Variants in PTPRK observed in about 807,000 individuals in gnomAD.
The protein encoded by PTPRK is receptor-type tyrosine-protein phosphatase kappa.
Under a neutral mutation model 178.0 loss-of-function variants are expected in PTPRK, and 75 were observed. That is an observed-to-expected ratio of 0.42 (90% confidence interval 0.35 to 0.51). The LOEUF is 0.51. Ranked by LOEUF, PTPRK falls within the 20% of genes least tolerant of loss-of-function variation. The pLI, the probability that PTPRK is intolerant of heterozygous loss-of-function variation, is 0.02. For missense variants in PTPRK, 1,441 were observed against 1,797.8 expected (o/e 0.80, Z 3.59); for synonymous variants, 637 against 620.6 (o/e 1.03, Z -0.39).
chr6:128,223,467 T>C (rs574503313), intron 5 of PTPRK, among the ~76,000 whole-genome samples: 14 of 152,098 alleles, frequency 9.2e-5, no homozygotes, highest in African/African-American at 2.7e-4. Context: ...AGGCAAGATA[T>C]CACCAAGCTG....
rs78735929 is a variant in PTPRK at position 128,480,201 on chromosome 6, G to A, written c.100+40058C>T. On this transcript the variant is annotated intron_variant, in intron 1 of 29. Coordinates refer to ENST00000368226, the MANE Select transcript of PTPRK (RefSeq NM_002844.4). The stretch of plus-strand genomic sequence containing the variant: ...CAGCCTGACTGTGGCTGAAACCCAG[G>A]AGCCATCACCAGGCTTGACCTCTCT... Among the ~76,000 whole-genome samples, 376 of 152,146 alleles carry A rather than the reference G, an allele frequency of 2.5e-3. 1 individual carries two copies. Among genetic ancestry groups the A allele is most frequent in the African/African-American group, 8.8e-3 (366 of 41,500 alleles).
rs1204085747 is a variant in PTPRK at position 128,421,195 on chromosome 6, G to C, written c.101-23507C>G. On this transcript the variant is annotated intron_variant, in intron 1 of 29. Transcript: ENST00000368226. ...CATCAACTGGTAAAGAAATGTATTA[G>C]AATATTTTATCTTAAAATTATAAAG... 2.0e-5 allele frequency among the ~76,000 whole-genome samples: 3 copies of C among 152,122 alleles called. No homozygotes were observed. In the East Asian group the frequency reaches 5.8e-4, roughly 29 times the overall value.
intron 5 of PTPRK, among the ~76,000 whole-genome samples, chr6:128,228,608 G>A (rs1382231259): frequency 7.3e-5 from 11 of 149,868 alleles, no homozygotes; most frequent in South Asian, 2.1e-4. Context: ...TGCAGTGAGC[G>A]GAGATCGCGC....
At chr6:128,074,904 A>G (rs550881971) in intron 11 of PTPRK, among the ~76,000 whole-genome samples, 13 of 152,066 alleles carry the variant, frequency 8.5e-5, no homozygotes, top group Non-Finnish European at 1.8e-4. Flanking sequence ...TAAGGTAGGC[A>G]AAATATATAA....
intron 2 of PTPRK, among the ~76,000 whole-genome samples, chr6:128,323,844 CTCTT>C (rs977009878): frequency 4.0e-5 from 6 of 148,886 alleles, no homozygotes; most frequent in African/African-American, 9.9e-5. Context: ...TTTTTTTTCT[CTCTT>C]TCTTTCTTTC....
Position 127,992,967 on chromosome 6 carries a change from A to G in PTPRK, c.2845-258T>C, listed in dbSNP as rs532911198. 2.0e-5 allele frequency among the ~76,000 whole-genome samples: 3 copies of G among 151,910 alleles called. No individual in the cohort carries two copies. The East Asian group carries it at 5.8e-4, about 29-fold the overall frequency. On this transcript the variant is annotated intron_variant, in intron 18 of 29. Transcript: ENST00000368226. ...TTTTTGTTTGCCATGGAATAACCTC[A>G]TAGATTTTGTTTGGTTTCACTAAAA...
chr6:128,475,776 T>G (rs1181778642), intron 1 of PTPRK, among the ~76,000 whole-genome samples: 1 of 151,980 alleles, frequency 6.6e-6, no homozygotes, highest in African/African-American at 2.4e-5. Context: ...AACAGAGGAC[T>G]GGGCTGGGAT....
intron 7 of PTPRK, among the ~76,000 whole-genome samples, chr6:128,103,639 C>T (rs1414756587): frequency 6.6e-6 from 1 of 152,210 alleles, no homozygotes; most frequent in Non-Finnish European, 1.5e-5. Context: ...TTCAATCTGA[C>T]ACATCACATC....
At chr6:128,014,593 T>C (rs1779395763) in intron 13 of PTPRK, among the ~76,000 whole-genome samples, 1 of 151,618 alleles carries the variant, frequency 6.6e-6, no homozygotes, top group Admixed American at 6.6e-5. Flanking sequence ...GTAGAGATAA[T>C]CTAGATGTCA....
intron 8 of PTPRK, among the ~76,000 whole-genome samples, chr6:128,084,720 T>C (rs1360084388): frequency 1.3e-5 from 2 of 152,226 alleles, no homozygotes; most frequent in African/African-American, 4.8e-5. Context: ...CTTTTATATA[T>C]TTTATTTAAA....
chr6:128,165,895 T>C (rs1799330309), intron 7 of PTPRK, among the ~76,000 whole-genome samples: 1 of 151,570 alleles, frequency 6.6e-6, no homozygotes, highest in Non-Finnish European at 1.5e-5. Context: ...ATAAAACATA[T>C]ACGTAAAAAA....
At chr6:127,972,292 T>C (rs755823013) in intron 29 of PTPRK, among the ~76,000 whole-genome samples, 13 of 152,242 alleles carry the variant, frequency 8.5e-5, no homozygotes, top group Non-Finnish European at 1.6e-4. Flanking sequence ...TCTGTGAGCA[T>C]ACACTACACA....
intron 1 of PTPRK, among the ~76,000 whole-genome samples, chr6:128,419,212 G>A (rs1843174467): frequency 6.6e-6 from 1 of 152,200 alleles, no homozygotes; most frequent in South Asian, 2.1e-4. Flanking sequence ...TGAAATATTG[G>A]AGTCTACTAA....
At chr6:128,156,966 A>G (rs1162881459) in intron 7 of PTPRK, among the ~76,000 whole-genome samples, 1 of 151,944 alleles carries the variant, frequency 6.6e-6, no homozygotes, top group African/African-American at 2.4e-5. Flanking sequence ...TTCGGTTTCT[A>G]TGCCTTTAAA....
At chr6:128,220,429 A>G (rs77901117) in intron 5 of PTPRK, among the ~76,000 whole-genome samples, 1,620 of 152,354 alleles carry the variant, frequency 0.011, 29 homozygotes, top group African/African-American at 0.037. Context: ...AGAATTGGTC[A>G]TGATCCACAA....
intron 1 of PTPRK, among the ~76,000 whole-genome samples, chr6:128,485,234 T>G (rs1396659521): frequency 6.6e-6 from 1 of 152,204 alleles, no homozygotes; most frequent in Non-Finnish European, 1.5e-5. Flanking sequence ...TTGGTTATAT[T>G]AGTACACATC....
intron 7 of PTPRK, among the ~76,000 whole-genome samples, chr6:128,138,912 CAT>C (rs745703799): frequency 1.8e-4 from 28 of 151,944 alleles, no homozygotes; most frequent in Admixed American, 1.3e-4. Context: ...TCACATGGGA[CAT>C]ACAAAGGAAA....
At chr6:128,065,583 G>T (rs989201205) in intron 12 of PTPRK, among the ~76,000 whole-genome samples, 1 of 152,096 alleles carries the variant, frequency 6.6e-6, no homozygotes, top group African/African-American at 2.4e-5. Flanking sequence ...AACCAGAGGC[G>T]ATCTGTTTGC....
At chr6:128,376,813 A>G (rs1837152890) in intron 2 of PTPRK, among the ~76,000 whole-genome samples, 1 of 152,082 alleles carries the variant, frequency 6.6e-6, no homozygotes, top group Non-Finnish European at 1.5e-5. Context: ...CTCAAGTTCA[A>G]ACTTCCACAA....
Sources: gnomAD v4.1 joint callset for allele counts (sites outside exome capture counted in the v4.1 genomes callset) on GRCh38, gnomAD v4.1.1 for gene constraint, MANE v1.5 for transcripts, NCBI Gene and HGNC (gene_info 2026-07-23, HGNC 2026-07-21) for gene names.